Variants in LRRC9 observed in about 807,000 individuals in gnomAD.
The protein encoded by LRRC9 is leucine-rich repeat-containing protein 9.
Under a neutral mutation model 63.2 loss-of-function variants are expected in LRRC9, and 122 were observed. The ratio of observed to expected loss-of-function variants is 1.93; its 90% CI spans 1.67 to 2.24. The LOEUF (loss-of-function observed/expected upper bound fraction) is 2.24. Among genes scored for constraint, LRRC9 ranks in the 30% most tolerant of loss-of-function variants. The pLI is 0.00. For synonymous variants in LRRC9, 366 were observed against 213.1 expected, an observed-to-expected ratio of 1.72 and a Z score of -6.25; for missense variants, 1,071 against 627.7, an observed-to-expected ratio of 1.71 and a Z score of -7.55.
Position 60,053,233 on chromosome 14 carries a change from CT to C in LRRC9, c.4131+32del, listed in dbSNP as rs1450471640. The C allele has an allele frequency of 1.5e-6, 1 of 684,494 alleles. No individual in the cohort carries two copies. Among genetic ancestry groups the C allele is most frequent in the South Asian group, 1.6e-5 (1 of 64,016 alleles). The allele number at this position is 684,494 out of a possible 1,614,324, so 42.4% of individuals were successfully genotyped here. ...AATAATTATATTATTTACAATTTTC[CT>C]TTTGAAGCACATTAATGGTTAGTAA... On this transcript the variant is annotated intron_variant, in intron 30 of 31. Transcript: ENST00000445360. The surrounding 1 kb of genome is among the most constrained non-coding windows in gnomAD (Gnocchi z 4.8).
chr14:60,006,889 G>A (rs1409935450), intron 22 of LRRC9: 1 of 223,996 alleles, frequency 4.5e-6, no homozygotes, highest in African/African-American at 2.3e-5. Flanking sequence ...GCATTCTCCT[G>A]TTCTCAGTAC....
intron 8 of LRRC9, among the ~76,000 whole-genome samples, chr14:59,952,448 A>G (rs1467064158): frequency 2.0e-5 from 3 of 152,134 alleles, no homozygotes; most frequent in Non-Finnish European, 2.9e-5. Context: ...AAATGCAGAA[A>G]TCACCCGTCT....
At chr14:59,920,665 G>A (rs1465164016) in intron 1 of LRRC9, among the ~76,000 whole-genome samples, 1 of 152,096 alleles carries the variant, frequency 6.6e-6, no homozygotes, top group African/African-American at 2.4e-5. Context: ...ATACCCAAAG[G>A]AGGAAATAAT....
At chr14:60,048,528 T>G (rs1423276113) in intron 29 of LRRC9, among the ~76,000 whole-genome samples, 3 of 152,056 alleles carry the variant, frequency 2.0e-5, no homozygotes, top group Non-Finnish European at 2.9e-5. Context: ...GCACATGAAC[T>G]AGAAAATCTA....
At chr14:60,025,291 G>C (rs938636247) in intron 27 of LRRC9, among the ~76,000 whole-genome samples, 1 of 149,706 alleles carries the variant, frequency 6.7e-6, no homozygotes, top group South Asian at 2.1e-4. Flanking sequence ...TTTTTGATAA[G>C]GGGTCTCAAT....
In LRRC9 at chr14:60,004,110, C is replaced by T. The variant is rs1289510759; in HGVS notation, c.2842+312C>T. 1.3e-5 allele frequency among the ~76,000 whole-genome samples: 2 copies of T among 152,020 alleles called. No homozygotes were observed. The highest frequency in any genetic ancestry group is 4.8e-5 in the African/African-American group (2 of 41,400). On this transcript the variant is annotated intron_variant, in intron 21 of 31. Coordinates refer to ENST00000445360, the Ensembl canonical transcript of LRRC9. The surrounding 1 kb of genome is among the most constrained non-coding windows in gnomAD (Gnocchi z 4.8). The stretch of plus-strand genomic sequence containing the variant: ...CGAGTTCATACCTATTAGTGGAATT[C>T]GTGACTATTTTACTTTATATAATGA...
chr14:59,966,749 G>T lies in LRRC9; in HGVS notation c.1372G>T (p.Asp458Tyr). The change falls in exon 11 of 32, where the codon GAT becomes TAT. Residue 458 changes from aspartate to tyrosine, a missense_variant. Physicochemically the swap from Asp to Tyr is radical, Grantham distance 160. Transcript: ENST00000445360. This position sits in a 1 kb window ranked among gnomAD's most constrained non-coding sequence, Gnocchi z 4.0. ...ATTTCAAAAGTTTTTGGAGAATGAA[G>T]ATATGCATGATTCAGAGTAAGAAGC... 1.5e-6 allele frequency: 1 copy of T among 663,592 alleles called. No individual in the cohort carries two copies. Among genetic ancestry groups the T allele is most frequent in the Non-Finnish European group, 2.7e-6 (1 of 364,244 alleles). The allele number at this position is 663,592 out of a possible 1,614,324, so 41.1% of individuals were successfully genotyped here.
At chr14:59,956,213 ATCTG>A (rs1260881396) in intron 8 of LRRC9, among the ~76,000 whole-genome samples, 1 of 152,078 alleles carries the variant, frequency 6.6e-6, no homozygotes, top group Admixed American at 6.5e-5. Flanking sequence ...TGTCTTGTTG[ATCTG>A]TCTAATGTGA....
At chr14:59,947,798 G>A (rs1009506490) in intron 8 of LRRC9, among the ~76,000 whole-genome samples, 5 of 148,876 alleles carry the variant, frequency 3.4e-5, no homozygotes, top group African/African-American at 1.2e-4. Context: ...TCTCAGGTTT[G>A]TCAAAGATCA....
chr14:59,995,710 G>A (rs1594974847), intron 17 of LRRC9, among the ~76,000 whole-genome samples: 1 of 143,776 alleles, frequency 7.0e-6, no homozygotes, highest in East Asian at 2.0e-4. Flanking sequence ...GTTTTCAAGG[G>A]GTGGAAGAAG....
intron 23 of LRRC9, among the ~76,000 whole-genome samples, chr14:60,010,370 G>A (rs1008920363): frequency 6.6e-6 from 1 of 152,148 alleles, no homozygotes; most frequent in Non-Finnish European, 1.5e-5. Flanking sequence ...GCTATACATT[G>A]GCCCCTTTTA....
chr14:60,005,317 A>G (rs775193598), intron 21 of LRRC9, among the ~76,000 whole-genome samples: 41 of 152,094 alleles, frequency 2.7e-4, no homozygotes, highest in Non-Finnish European at 1.2e-4. Context: ...TTGACCTATC[A>G]CTAGTCTCCC....
chr14:59,940,089 C>A (rs1426333770), intron 7 of LRRC9, among the ~76,000 whole-genome samples: 2 of 151,924 alleles, frequency 1.3e-5, no homozygotes, highest in Non-Finnish European at 2.9e-5. Context: ...TTCATTCTGA[C>A]TGAGATTCTC....
chr14:60,040,922 G>A (rs972572908), intron 29 of LRRC9, among the ~76,000 whole-genome samples: 1 of 151,864 alleles, frequency 6.6e-6, no homozygotes, highest in Non-Finnish European at 1.5e-5. Flanking sequence ...CATGTTTAGT[G>A]CTTCCTTCAG....
At chr14:59,994,768 A>G (rs1264208530) in intron 17 of LRRC9, among the ~76,000 whole-genome samples, 2 of 151,818 alleles carry the variant, frequency 1.3e-5, no homozygotes, top group East Asian at 3.9e-4. Flanking sequence ...AAGACAAAAA[A>G]CCAAATACCT....
intron 8 of LRRC9, among the ~76,000 whole-genome samples, chr14:59,947,214 T>G (rs1391056121): frequency 6.6e-6 from 1 of 151,136 alleles, no homozygotes; most frequent in Non-Finnish European, 1.5e-5. Context: ...TGGTGTGAGA[T>G]GATATCTCAT....
At chr14:59,991,697 G>A (rs1301127434) in intron 17 of LRRC9, among the ~76,000 whole-genome samples, 2 of 151,638 alleles carry the variant, frequency 1.3e-5, no homozygotes, top group South Asian at 2.1e-4. Flanking sequence ...AGGGTCCTAC[G>A]CCCATGGAGC....
In LRRC9 at chr14:59,966,956, G is replaced by A. The variant is rs142909698; in HGVS notation, c.1389-140G>A. The A allele has an allele frequency of 1.9e-6, 1 of 537,418 alleles. No homozygotes were observed. The highest frequency in any genetic ancestry group is 1.9e-5 in the African/African-American group (1 of 53,394). 33.3% of individuals were successfully genotyped at this position (537,418 alleles called of 1,614,324 possible). A position where few individuals can be genotyped will look rare whatever the true frequency, so the allele number is the denominator to read the frequency against. ...ATTGAGCCTGTTTTTGAGGTTGAAG[G>A]CAGGGGAGCTATTAATAATGACACT... is the stretch of plus-strand genomic sequence containing the variant. On this transcript the variant is annotated intron_variant, in intron 11 of 31. Transcript: ENST00000445360. The surrounding 1 kb of genome is among the most constrained non-coding windows in gnomAD (Gnocchi z 4.0).
intron 12 of LRRC9, 92 bp from the exon 13 acceptor site, chr14:59,974,484 G>A: frequency 4.5e-6 from 2 of 449,262 alleles, no homozygotes; most frequent in Non-Finnish European, 7.8e-6. Context: ...TCTTTGCCCA[G>A]ACACATAAAA....
Sources: gnomAD v4.1 joint callset for allele counts (sites outside exome capture counted in the v4.1 genomes callset) on GRCh38, gnomAD v4.1.1 for gene constraint, Gnocchi (gnomAD v3.1) non-coding constraint, MANE v1.5 for transcripts, NCBI Gene and HGNC (gene_info 2026-07-23, HGNC 2026-07-21) for gene names.